Variants in CCDC47 observed in about 807,000 individuals in gnomAD.
CCDC47 encodes the protein coiled-coil domain containing 47, also known as PAT complex subunit CCDC47.
Under a neutral mutation model 60.5 loss-of-function variants are expected in CCDC47, and 41 were observed. The ratio of observed to expected loss-of-function variants is 0.68; its 90% CI spans 0.53 to 0.88. CCDC47 has a LOEUF of 0.88. Ranked by LOEUF, CCDC47 falls within the 40% of genes least tolerant of loss-of-function variation. The pLI is 0.00. For synonymous variants in CCDC47, 195 were observed against 190.7 expected, an observed-to-expected ratio of 1.02 and a Z score of -0.18; for missense variants, 513 against 580.9, an observed-to-expected ratio of 0.88 and a Z score of 1.20.
chr17:63,754,422 C>G lies in CCDC47; in HGVS notation c.1034+11G>C. ...GGAAAATTAATTTCAACAATTTTATCTTATACGTACTCTTGCATAATTTTT... is the reference window on the plus strand; with the variant it reads ...GGAAAATTAATTTCAACAATTTTATGTTATACGTACTCTTGCATAATTTTT... On this transcript the variant is annotated intron_variant, in intron 9 of 12. Coordinates refer to ENST00000225726, the MANE Select transcript of CCDC47 (RefSeq NM_020198.3). 1.3e-6 allele frequency: 2 copies of G among 1,519,636 alleles called. No individual in the cohort carries two copies. The highest frequency in any genetic ancestry group is 1.8e-6 in the Non-Finnish European group (2 of 1,098,208). The allele number at this position is 1,519,636 out of a possible 1,614,324, so 94.1% of individuals were successfully genotyped here. A position where few individuals can be genotyped will look rare whatever the true frequency, so the allele number is the denominator to read the frequency against.
In CCDC47 at chr17:63,761,526, A is replaced by AAC. The variant is rs2039260865; in HGVS notation, c.548-176_548-175insGT. Reference sequence around the variant, plus strand: ...GAAACCCTGTCCCTACTAAAAAAAAAAAAAAAAAAAATTATAAAAAATTAG... The same window carrying AAC: ...GAAACCCTGTCCCTACTAAAAAAAAAACAAAAAAAAAAATTATAAAAAATTAG... On this transcript the variant is annotated intron_variant, in intron 4 of 12. Transcript: ENST00000225726. 8.7e-6 allele frequency: 4 copies of AAC among 459,148 alleles called. No homozygotes were observed. In the Admixed American group the frequency reaches 1.6e-4, roughly 18 times the overall value. The allele number at this position is 459,148 out of a possible 1,614,324, so 28.4% of individuals were successfully genotyped here. A position where few individuals can be genotyped will look rare whatever the true frequency, so the allele number is the denominator to read the frequency against.
At chr17:63,760,062 C>A (rs1398369066) in intron 6 of CCDC47, among the ~76,000 whole-genome samples, 999 of 97,924 alleles carry the variant, frequency 0.01, no homozygotes, top group South Asian at 0.013. Flanking sequence ...GACTCCGTCT[C>A]AAAAAAAAAA....
chr17:63,754,404 T>A (rs1370115855), intron 9 of CCDC47, 29 bp downstream of exon 9: 10 of 1,383,026 alleles, frequency 7.2e-6, no homozygotes, highest in Non-Finnish European at 9.2e-6. Context: ...TGAGGAAAAT[T>A]AATTTCAACA....
chr17:63,763,892 G>A (rs1012037157), intron 4 of CCDC47, 124 bp downstream of exon 4: 24 of 531,210 alleles, frequency 4.5e-5, no homozygotes, highest in African/African-American at 4.1e-4. Flanking sequence ...ATCCTTGAGA[G>A]AAAAAACAAT....
rs11654841 is a variant in CCDC47 at position 63,760,899 on chromosome 17, G to A, written c.735+15C>T. On this transcript the variant is annotated intron_variant, in intron 6 of 12. Coordinates refer to ENST00000225726, the MANE Select transcript of CCDC47 (RefSeq NM_020198.3). ...TTCAGTCTGTACACAGAAAACCAGC[G>A]GGAAGAATACATACCACTTGATCAC... 989,210 of 1,567,590 alleles carry A rather than the reference G, an allele frequency of 0.63. 317,284 individuals carry two copies. Among genetic ancestry groups the A allele is most frequent in the African/African-American group, 0.9 (66,436 of 73,440 alleles).
chr17:63,765,120 CCACACACACACACACA>C (rs56697502), intron 2 of CCDC47: 1 of 149,208 alleles, frequency 6.7e-6, no homozygotes, highest in Non-Finnish European at 1.4e-5. Flanking sequence ...AGTATTCTCA[CCACACACACACACACA>C]CACACACACA....
chr17:63,765,022 A>C (rs2039286989), intron 2 of CCDC47, 175 bp from the exon 3 acceptor site: 1 of 954,474 alleles, frequency 1.0e-6, no homozygotes, highest in African/African-American at 1.8e-5. Context: ...TAAAATGAGA[A>C]AGTTCTGAAG....
intron 6 of CCDC47, among the ~76,000 whole-genome samples, chr17:63,759,559 AT>A (rs2039239619): frequency 1.1e-5 from 1 of 88,338 alleles, no homozygotes; most frequent in South Asian, 4.1e-4. Context: ...ATATATATAT[AT>A]ATATATATAT....
At chr17:63,747,167 C>T (rs1268544817) in intron 12 of CCDC47, 4 of 982,552 alleles carry the variant, frequency 4.1e-6, no homozygotes, top group Non-Finnish European at 4.8e-6. Flanking sequence ...ATTAAATCAA[C>T]TTCAAATGAA....
Position 63,746,023 on chromosome 17 carries a change from C to T in CCDC47, c.*858G>A, listed in dbSNP as rs1336485087. ...CCATAATATAGAGAACAGAGCTTCT[C>T]CATGAACATCCACCAGGCTGCAGCA... On this transcript the variant is annotated 3_prime_UTR_variant, in exon 13 of 13. Coordinates refer to ENST00000225726, the MANE Select transcript of CCDC47 (RefSeq NM_020198.3). The T allele has an allele frequency of 6.6e-6, 1 of 152,210 alleles. No homozygotes were observed. The highest frequency in any genetic ancestry group is 1.5e-5 in the Non-Finnish European group (1 of 68,052). 9.4% of individuals were successfully genotyped at this position (152,210 alleles called of 1,614,324 possible). A position where few individuals can be genotyped will look rare whatever the true frequency, so the allele number is the denominator to read the frequency against.
intron 12 of CCDC47, chr17:63,747,382 T>G: frequency 5.1e-6 from 5 of 984,256 alleles, no homozygotes; most frequent in Non-Finnish European, 4.8e-6. Context: ...TCTTGTTCCA[T>G]CAGGTTATTC....
chr17:63,750,285 A>C (rs1194779607), intron 12 of CCDC47, among the ~76,000 whole-genome samples: 1 of 152,212 alleles, frequency 6.6e-6, no homozygotes, highest in Admixed American at 6.5e-5. Context: ...TGTACATAAA[A>C]AGCCATATTT....
intron 12 of CCDC47, among the ~76,000 whole-genome samples, chr17:63,749,283 C>G (rs1054390290): frequency 2.0e-5 from 3 of 151,874 alleles, no homozygotes; most frequent in Non-Finnish European, 4.4e-5. Flanking sequence ...AGGCAGGCAC[C>G]TGTAATCCCA....
At chr17:63,764,259 A>T in intron 3 of CCDC47, 69 bp from the exon 4 acceptor site, 1 of 1,164,992 alleles carries the variant, frequency 8.6e-7, no homozygotes, top group Non-Finnish European at 1.2e-6. Context: ...TCATGGCAGG[A>T]AGAATGAGAA....
In CCDC47 at chr17:63,752,735, A is replaced by G. The variant is rs2039176723; in HGVS notation, c.1093+6T>C. The G allele has an allele frequency of 6.2e-7, 1 of 1,610,534 alleles. No individual in the cohort carries two copies. Among genetic ancestry groups the G allele is most frequent in the South Asian group, 1.1e-5 (1 of 90,352 alleles). On this transcript the variant is annotated splice_donor_region_variant and intron_variant, in intron 10 of 12. Coordinates refer to ENST00000225726, the MANE Select transcript of CCDC47 (RefSeq NM_020198.3). ...TAAGAACCCAGAAAGGACCCAGAAT[A>G]CTTACCATTAAATGTAAACAACAGT...
intron 1 of CCDC47, chr17:63,766,843 T>C (rs2039301548): frequency 1.0e-6 from 1 of 980,606 alleles, no homozygotes; most frequent in East Asian, 1.1e-4. Context: ...GAGAAGGAGG[T>C]AAAAATGAAG....
chr17:63,756,191 T>A, intron 8 of CCDC47, 49 bp downstream of exon 8: 1 of 1,218,212 alleles, frequency 8.2e-7, no homozygotes, highest in Middle Eastern at 1.9e-4. Context: ...AGGGAGAGTG[T>A]CCTGTAAATG....
chr17:63,771,028 G>A (rs2039335747), intron 1 of CCDC47, among the ~76,000 whole-genome samples: 2 of 129,638 alleles, frequency 1.5e-5, no homozygotes, highest in South Asian at 2.9e-4. Context: ...AAGGAAGGAA[G>A]GAAGGAAGGA....
intron 2 of CCDC47, 56 bp downstream of exon 2, chr17:63,765,856 T>G (rs2039293767): frequency 6.5e-7 from 1 of 1,527,288 alleles, no homozygotes; most frequent in Non-Finnish European, 8.9e-7. Context: ...AATTTTAATG[T>G]TTGGGAAAGG....
Sources: allele counts gnomAD v4.1 joint callset (sites outside exome capture counted in the v4.1 genomes callset), GRCh38; gene constraint gnomAD v4.1.1; transcripts MANE v1.5; gene names NCBI Gene and HGNC (gene_info 2026-07-23, HGNC 2026-07-21).